Variants in PAICS observed in about 807,000 individuals in gnomAD.
The protein encoded by PAICS is bifunctional phosphoribosylaminoimidazole carboxylase/phosphoribosylaminoimidazole succinocarboxamide synthetase.
A neutral mutation model predicts 53.7 loss-of-function variants in PAICS; 33 were observed. The observed-to-expected ratio is 0.61, with a 90% CI of 0.47 to 0.82. The LOEUF (loss-of-function observed/expected upper bound fraction) is 0.82, where lower values mean the gene tolerates loss of function less well. PAICS is among the 40% of genes least tolerant of loss of function. The pLI is 0.00. For synonymous variants in PAICS, 141 were observed against 167.2 expected (o/e 0.84, Z 1.21); for missense variants, 394 against 494.1 (o/e 0.80, Z 1.92).
chr4:56,431,447 A>C (rs1338566586), upstream of PAICS: 1 of 979,210 alleles, frequency 1.0e-6, no homozygotes, highest in Non-Finnish European at 1.2e-6. Context: ...TCTTAAGAAA[A>C]GTGCTCCTGA....
At chr4:56,456,413 T>TG (rs1719208685) in intron 8 of PAICS, among the ~76,000 whole-genome samples, 1 of 152,022 alleles carries the variant, frequency 6.6e-6, no homozygotes, top group Non-Finnish European at 1.5e-5. Flanking sequence ...TACAGGTGTT[T>TG]TTTGTTTGTT....
chr4:56,414,294 T>G, the PAICS span: 1 of 152,256 alleles, frequency 6.6e-6, no homozygotes, highest in African/African-American at 2.4e-5. Context: ...TTTTCCACTG[T>G]TGGGATCAAC....
At chr4:56,410,839 T>C in the PAICS span, 1 of 963,908 alleles carries the variant, frequency 1.0e-6, no homozygotes, top group Non-Finnish European at 1.2e-6. Context: ...CAGAGGAAGA[T>C]GCAAATGGCA....
chr4:56,459,893 AT>A lies in PAICS; in HGVS notation c.*372del, dbSNP rs878904282. 8.1e-3 allele frequency: 1,131 copies of A among 140,184 alleles called. No individual in the cohort carries two copies. The highest frequency in any genetic ancestry group is 0.02 in the South Asian group (93 of 4,766). The allele number at this position is 140,184 out of a possible 1,614,324, so 8.7% of individuals were successfully genotyped here. A position where few individuals can be genotyped will look rare whatever the true frequency, so the allele number is the denominator to read the frequency against. Reference sequence around the variant, plus strand: ...CCCAGCTATATTTCTCCAGACTTGCATTTTTTTTTTTTTTTTTGAGACAGGG... The same window carrying A: ...CCCAGCTATATTTCTCCAGACTTGCATTTTTTTTTTTTTTTTGAGACAGGG... On this transcript the variant is annotated 3_prime_UTR_variant, in exon 9 of 9. Transcript: ENST00000512576.
upstream of PAICS, among the ~76,000 whole-genome samples, chr4:56,433,539 G>A (rs932233436): frequency 4.0e-5 from 6 of 148,754 alleles, no homozygotes; most frequent in East Asian, 7.8e-4. Flanking sequence ...CACATTTAAA[G>A]GGAAGGAGAA....
chr4:56,435,000 A>G (rs1340443047), upstream of PAICS, among the ~76,000 whole-genome samples: 1 of 152,218 alleles, frequency 6.6e-6, no homozygotes, highest in Non-Finnish European at 1.5e-5. Flanking sequence ...CCGGGAGACT[A>G]GAACCCGCCT....
chr4:56,435,657 C>A, upstream of PAICS: 1 of 1,434,148 alleles, frequency 7.0e-7, no homozygotes, highest in South Asian at 1.4e-5. Context: ...GCCAGCTCAG[C>A]CCTGCTCCTC....
chr4:56,425,935 CACTTG>C, the PAICS span, among the ~76,000 whole-genome samples: 1 of 152,330 alleles, frequency 6.6e-6, no homozygotes, highest in East Asian at 1.9e-4. Context: ...TTAACCTCTA[CACTTG>C]ACTTGTCTTT....
the PAICS span, among the ~76,000 whole-genome samples, chr4:56,411,155 A>G: frequency 1.3e-5 from 2 of 152,182 alleles, no homozygotes; most frequent in Non-Finnish European, 2.9e-5. Context: ...AATGGCACTG[A>G]CTGCTAGTGC....
At chr4:56,416,367 C>A in the PAICS span, 1 of 856,166 alleles carries the variant, frequency 1.2e-6, no homozygotes, top group Non-Finnish European at 1.4e-6. Context: ...ATGTCAATTG[C>A]ATCAGTAGAT....
At chr4:56,410,838 A>T in the PAICS span, 2 of 982,498 alleles carry the variant, frequency 2.0e-6, no homozygotes, top group Middle Eastern at 2.8e-4. Context: ...ACAGAGGAAG[A>T]TGCAAATGGC....
upstream of PAICS, chr4:56,435,331 C>G: frequency 6.2e-7 from 1 of 1,613,198 alleles, no homozygotes; most frequent in Middle Eastern, 1.7e-4. Flanking sequence ...GCCCCCGCCA[C>G]CCCCACCCTG....
At chr4:56,418,369 G>A in the PAICS span, among the ~76,000 whole-genome samples, 1 of 151,874 alleles carries the variant, frequency 6.6e-6, no homozygotes, top group South Asian at 2.1e-4. Flanking sequence ...GCCCAAGCTG[G>A]AGTGCAGTGG....
At position 56,442,168 on chromosome 4, in the gene PAICS, C is replaced by G. The variant is rs116173318; in HGVS notation, c.214+308C>G. ...AAGGAATTTAACTATGAAGGAAACCCATTTTAATGTTAAGCAGTTCTAACA... is the reference window on the plus strand; with the variant it reads ...AAGGAATTTAACTATGAAGGAAACCGATTTTAATGTTAAGCAGTTCTAACA... On this transcript the variant is annotated intron_variant, in intron 2 of 8. Coordinates refer to ENST00000512576, the MANE Select transcript of PAICS (RefSeq NM_001079524.2). The G allele has an allele frequency of 2.6e-3, 595 of 231,434 alleles. 1 individual carries two copies. The highest frequency in any genetic ancestry group is 0.013 in the African/African-American group (562 of 44,232). 14.3% of individuals were successfully genotyped at this position (231,434 alleles called of 1,614,324 possible). A position where few individuals can be genotyped will look rare whatever the true frequency, so the allele number is the denominator to read the frequency against.
At chr4:56,412,055 A>G in the PAICS span, among the ~76,000 whole-genome samples, 2 of 152,194 alleles carry the variant, frequency 1.3e-5, no homozygotes, top group African/African-American at 4.8e-5. Context: ...AGTGCTTTAA[A>G]TATTGATTAA....
At chr4:56,416,184 G>GA in the PAICS span, among the ~76,000 whole-genome samples, 1 of 152,034 alleles carries the variant, frequency 6.6e-6, no homozygotes, top group Non-Finnish European at 1.5e-5. Context: ...CAATGGGATG[G>GA]AAAAAATTAG....
At chr4:56,457,302 A>C (rs1199833879) in intron 8 of PAICS, among the ~76,000 whole-genome samples, 2 of 152,158 alleles carry the variant, frequency 1.3e-5, no homozygotes, top group Non-Finnish European at 1.5e-5. Flanking sequence ...GGTCCCAGCT[A>C]CTTGGGAAGC....
the PAICS span, chr4:56,425,438 A>C: frequency 2.1e-6 from 2 of 930,408 alleles, no homozygotes; most frequent in Non-Finnish European, 2.6e-6. Flanking sequence ...AAATGTGAAA[A>C]AAGAAAGCTC....
chr4:56,446,220 A>G (rs1181482532), intron 2 of PAICS: 2 of 583,512 alleles, frequency 3.4e-6, no homozygotes, highest in Middle Eastern at 2.6e-4. Flanking sequence ...AATGTTGTAC[A>G]TTCATCCCAT....
Sources: gnomAD v4.1 joint callset for allele counts (sites outside exome capture counted in the v4.1 genomes callset) on GRCh38, gnomAD v4.1.1 for gene constraint, MANE v1.5 for transcripts, NCBI Gene and HGNC (gene_info 2026-07-23, HGNC 2026-07-21) for gene names.